Variants in DPY19L3 observed in about 807,000 individuals in gnomAD.
The protein encoded by DPY19L3 is dpy-19 like C-mannosyltransferase 3.
A neutral mutation model predicts 92.3 loss-of-function variants in DPY19L3; 51 were observed. The ratio of observed to expected loss-of-function variants is 0.55; its 90% CI spans 0.44 to 0.70. The LOEUF (loss-of-function observed/expected upper bound fraction) is 0.70. Ranked by LOEUF, DPY19L3 falls within the 30% of genes least tolerant of loss-of-function variation. The pLI is 0.00. For synonymous variants in DPY19L3, 309 were observed against 315.2 expected (o/e 0.98, Z 0.21); for missense variants, 706 against 855.9 (o/e 0.82, Z 2.18).
chr19:32,481,877 C>T, intron 18 of DPY19L3: 1 of 587,954 alleles, frequency 1.7e-6, no homozygotes, highest in East Asian at 2.9e-5. Context: ...TGACGCTGCA[C>T]TCTCCTTCTC....
intron 3 of DPY19L3, among the ~76,000 whole-genome samples, chr19:32,426,281 G>T (rs1396126229): frequency 6.6e-6 from 1 of 152,198 alleles, no homozygotes; most frequent in Non-Finnish European, 1.5e-5. Flanking sequence ...TGTTTTAGAT[G>T]ATTTGATTTT....
intron 8 of DPY19L3, among the ~76,000 whole-genome samples, chr19:32,450,456 C>T (rs1384778747): frequency 1.3e-5 from 2 of 152,156 alleles, no homozygotes; most frequent in African/African-American, 4.8e-5. Flanking sequence ...CAGTGTGATT[C>T]ATAGCTACAA....
rs768917048 is a variant in DPY19L3, at chr19:32,437,148, G to A, written c.451-46G>A. The A allele has an allele frequency of 1.1e-5, 18 of 1,610,204 alleles. No homozygotes were observed. In the African/African-American group the frequency reaches 1.9e-4, roughly 17 times the overall value. Reference sequence around the variant, plus strand: ...TCATGTTTTAAATGGCACTGAGGAGGGTTAGGGCTCACCTGACAAACATGT... The same window carrying A: ...TCATGTTTTAAATGGCACTGAGGAGAGTTAGGGCTCACCTGACAAACATGT... On this transcript the variant is annotated intron_variant, in intron 5 of 18. Transcript: ENST00000392250.
At chr19:32,408,130 C>A in intron 1 of DPY19L3, 87 bp from the exon 2 acceptor site, 1 of 675,580 alleles carries the variant, frequency 1.5e-6, no homozygotes, top group African/African-American at 1.8e-5. Flanking sequence ...GGGAAAATGG[C>A]ATAAGTAAAG....
At chr19:32,462,908 G>A (rs948965309) in intron 12 of DPY19L3, among the ~76,000 whole-genome samples, 1 of 152,126 alleles carries the variant, frequency 6.6e-6, no homozygotes, top group Admixed American at 6.5e-5. Flanking sequence ...GATATCAGGA[G>A]GTATTGGTAG....
intron 8 of DPY19L3, among the ~76,000 whole-genome samples, chr19:32,440,205 T>G (rs1487443276): frequency 1.3e-5 from 2 of 152,258 alleles, no homozygotes; most frequent in African/African-American, 4.8e-5. Flanking sequence ...ATAAGATAGC[T>G]CTTTTAAAAT....
chr19:32,450,290 A>G (rs985570333), intron 8 of DPY19L3, among the ~76,000 whole-genome samples: 1 of 152,238 alleles, frequency 6.6e-6, no homozygotes, highest in African/African-American at 2.4e-5. Context: ...ATGGGATTAT[A>G]AGATGGTGTA....
chr19:32,439,744 A>G, intron 7 of DPY19L3, 32 bp from the exon 8 acceptor site: 1 of 1,606,824 alleles, frequency 6.2e-7, no homozygotes, highest in Non-Finnish European at 8.5e-7. Flanking sequence ...TACTAGAGAC[A>G]TGTAAATTAT....
intron 3 of DPY19L3, among the ~76,000 whole-genome samples, chr19:32,414,036 T>G (rs566950315): frequency 6.6e-6 from 1 of 151,982 alleles, no homozygotes; most frequent in Non-Finnish European, 1.5e-5. Context: ...CTCTTTAAAA[T>G]GGAGTGCTGG....
chr19:32,409,253 C>T (rs1053269245), intron 2 of DPY19L3, among the ~76,000 whole-genome samples: 17 of 152,234 alleles, frequency 1.1e-4, no homozygotes, highest in African/African-American at 4.1e-4. Flanking sequence ...ATGTCATATT[C>T]TGCACATGTA....
intron 3 of DPY19L3, among the ~76,000 whole-genome samples, chr19:32,420,190 C>T (rs1172683776): frequency 6.6e-6 from 1 of 152,054 alleles, no homozygotes; most frequent in Non-Finnish European, 1.5e-5. Flanking sequence ...TGGTGTTCTG[C>T]CCTTATGGTG....
At chr19:32,411,447 A>G (rs756240981) in intron 3 of DPY19L3, 75 bp downstream of exon 3, 1 of 1,519,156 alleles carries the variant, frequency 6.6e-7, no homozygotes, top group South Asian at 1.2e-5. Flanking sequence ...ATGAATGACC[A>G]AGGCAACACA....
intron 3 of DPY19L3, among the ~76,000 whole-genome samples, chr19:32,428,281 A>G (rs1390084301): frequency 1.3e-5 from 2 of 152,040 alleles, no homozygotes; most frequent in African/African-American, 4.8e-5. Flanking sequence ...CTGTAAACAG[A>G]ACTTTTTTAC....
intron 3 of DPY19L3, among the ~76,000 whole-genome samples, chr19:32,414,247 C>A (rs8102049): frequency 0.034 from 5,178 of 152,002 alleles, 352 homozygotes; most frequent in Admixed American, 0.17. Flanking sequence ...GGTGAAATCC[C>A]GTCTGTACTA....
chr19:32,436,651 T>C (rs1969149729), intron 5 of DPY19L3, 84 bp downstream of exon 5: 1 of 1,209,504 alleles, frequency 8.3e-7, no homozygotes, highest in Non-Finnish European at 1.1e-6. Context: ...CATCGTTCTT[T>C]CTGATCTTCA....
chr19:32,437,958 G>A (rs1969199003), intron 6 of DPY19L3, among the ~76,000 whole-genome samples: 2 of 152,080 alleles, frequency 1.3e-5, no homozygotes, highest in Admixed American at 1.3e-4. Flanking sequence ...ACAGGCATGA[G>A]CTACTGTGCC....
At chr19:32,424,133 A>T (rs1378621553) in intron 3 of DPY19L3, among the ~76,000 whole-genome samples, 1 of 152,102 alleles carries the variant, frequency 6.6e-6, no homozygotes, top group Non-Finnish European at 1.5e-5. Flanking sequence ...CCTGGGCAAC[A>T]TAGTGAGATC....
intron 3 of DPY19L3, among the ~76,000 whole-genome samples, chr19:32,425,953 C>A: frequency 6.6e-6 from 1 of 152,210 alleles, no homozygotes; most frequent in Non-Finnish European, 1.5e-5. Flanking sequence ...GCATTGACTT[C>A]TCCTGAGCTG....
chr19:32,428,249 G>A (rs942937107), intron 3 of DPY19L3, among the ~76,000 whole-genome samples: 1 of 152,150 alleles, frequency 6.6e-6, no homozygotes, highest in Admixed American at 6.5e-5. Context: ...TGGGGTTACA[G>A]GTGTGAGCCA....
Sources: allele counts gnomAD v4.1 joint callset (sites outside exome capture counted in the v4.1 genomes callset), GRCh38; gene constraint gnomAD v4.1.1; transcripts MANE v1.5; gene names NCBI Gene and HGNC (gene_info 2026-07-23, HGNC 2026-07-21).